The following CFAP61 variants were observed in gnomAD, a reference collection of about 807,000 sequenced individuals.
The protein encoded by CFAP61 is cilia- and flagella-associated protein 61.
CFAP61 carries 107 observed loss-of-function variants against 135.6 expected under a neutral mutation model. That is an observed-to-expected ratio of 0.79 (90% CI 0.67 to 0.93). The LOEUF (loss-of-function observed/expected upper bound fraction) is 0.93, where lower values mean the gene tolerates loss of function less well. CFAP61 is among the 40% of genes least tolerant of loss of function. The pLI, the probability that CFAP61 is intolerant of heterozygous loss-of-function variation, is 0.00. For synonymous variants in CFAP61, 575 were observed against 578.5 expected (o/e 0.99, Z 0.09); for missense variants, 1,507 against 1,556.2 (o/e 0.97, Z 0.53).
chr20:20,143,009 C>A, intron 9 of CFAP61, 61 bp downstream of exon 9: 2 of 949,622 alleles, frequency 2.1e-6, no homozygotes, highest in South Asian at 1.5e-5. Context: ...CTACCTGTGA[C>A]ATCAGGGGCA....
At chr20:20,282,487 A>G (rs1350982085) in intron 22 of CFAP61, among the ~76,000 whole-genome samples, 1 of 152,164 alleles carries the variant, frequency 6.6e-6, no homozygotes, top group African/African-American at 2.4e-5. Context: ...TTTAATTATC[A>G]CTTAATTCAA....
chr20:20,135,262 C>CAGA (rs1442536745), intron 8 of CFAP61, among the ~76,000 whole-genome samples: 3 of 152,110 alleles, frequency 2.0e-5, no homozygotes, highest in Non-Finnish European at 4.4e-5. Flanking sequence ...TTGATTTCAG[C>CAGA]CCAGGGATAC....
chr20:20,335,088 A>T (rs2058132132), intron 25 of CFAP61, among the ~76,000 whole-genome samples: 1 of 152,232 alleles, frequency 6.6e-6, no homozygotes, highest in Non-Finnish European at 1.5e-5. Flanking sequence ...CAGTTAAGCC[A>T]GGTCGGGCCA....
intron 17 of CFAP61, among the ~76,000 whole-genome samples, chr20:20,223,913 G>A (rs921199160): frequency 6.6e-6 from 1 of 152,052 alleles, no homozygotes; most frequent in East Asian, 1.9e-4. Flanking sequence ...TATTCATTTG[G>A]CCATTTAAGC....
At chr20:20,064,718 C>T (rs6046589) in intron 2 of CFAP61, among the ~76,000 whole-genome samples, 9,604 of 152,208 alleles carry the variant, frequency 0.063, 360 homozygotes, top group East Asian at 0.12. Flanking sequence ...CATGAAACCA[C>T]GGAGAAGTGG....
chr20:20,277,590 G>T, intron 22 of CFAP61, 132 bp downstream of exon 22: 1 of 953,790 alleles, frequency 1.0e-6, no homozygotes, highest in Non-Finnish European at 1.5e-6. Context: ...TGTGTGTTCA[G>T]ATTACCTCTT....
At chr20:20,316,100 A>G (rs1032816326) in intron 25 of CFAP61, among the ~76,000 whole-genome samples, 7 of 151,482 alleles carry the variant, frequency 4.6e-5, no homozygotes, top group African/African-American at 1.7e-4. Context: ...CTTGATGGGG[A>G]TGGCATTGAA....
chr20:20,114,324 T>G (rs2048993799), intron 8 of CFAP61, among the ~76,000 whole-genome samples: 1 of 152,168 alleles, frequency 6.6e-6, no homozygotes, highest in African/African-American at 2.4e-5. Flanking sequence ...ATGGGATTGC[T>G]TCAAATTTAT....
intron 18 of CFAP61, among the ~76,000 whole-genome samples, chr20:20,238,290 A>G (rs1000619439): frequency 1.3e-5 from 2 of 152,214 alleles, no homozygotes; most frequent in African/African-American, 4.8e-5. Context: ...TGTTGTTAAG[A>G]CTGAATTAAA....
chr20:20,312,579 T>C, intron 25 of CFAP61, among the ~76,000 whole-genome samples: 1 of 151,888 alleles, frequency 6.6e-6, no homozygotes, highest in Admixed American at 6.6e-5. Context: ...TGATGAAAAC[T>C]CACAAATCTG....
chr20:20,089,588 A>C (rs759884948), intron 6 of CFAP61, among the ~76,000 whole-genome samples: 1 of 17,620 alleles, frequency 5.7e-5, no homozygotes, highest in Non-Finnish European at 2.0e-4. Flanking sequence ...AGTATCAGAG[A>C]AAAAAAAAAA....
chr20:20,075,523 GAAC>G lies in CFAP61; in HGVS notation c.476_478del (p.Asn159del), dbSNP rs1451299179. 3 of 1,614,064 alleles carry G rather than the reference GAAC, an allele frequency of 1.9e-6. No homozygotes were observed. In the Admixed American group the frequency reaches 5.0e-5, roughly 27 times the overall value. On this transcript the variant is annotated inframe_deletion, in exon 6 of 27. Coordinates refer to ENST00000245957, the MANE Select transcript of CFAP61 (RefSeq NM_015585.4). Reference sequence around the variant, plus strand: ...TCATAACTGTTTTTGACCAAGTGGGGAACATCCCGTGTCTGACGTATGAGGAAG... The same window carrying G: ...TCATAACTGTTTTTGACCAAGTGGGGATCCCGTGTCTGACGTATGAGGAAG...
chr20:20,250,805 AC>A (rs1336022958), intron 19 of CFAP61, among the ~76,000 whole-genome samples: 1 of 152,156 alleles, frequency 6.6e-6, no homozygotes. Flanking sequence ...GTTTAAATAA[AC>A]CCAAAGCCAC....
chr20:20,261,411 A>C (rs2052192601), intron 20 of CFAP61, among the ~76,000 whole-genome samples: 1 of 152,184 alleles, frequency 6.6e-6, no homozygotes, highest in African/African-American at 2.4e-5. Context: ...TCATAACTCT[A>C]GGAGTATTCT....
intron 26 of CFAP61, among the ~76,000 whole-genome samples, chr20:20,344,347 C>T (rs945599829): frequency 1.3e-5 from 2 of 152,120 alleles, no homozygotes; most frequent in African/African-American, 2.4e-5. Context: ...GCTGTGGAAA[C>T]GACAGCCACA....
At chr20:20,169,988 T>C (rs760713201) in intron 13 of CFAP61, among the ~76,000 whole-genome samples, 1 of 152,248 alleles carries the variant, frequency 6.6e-6, no homozygotes, top group Non-Finnish European at 1.5e-5. Flanking sequence ...TGCTAAGTTC[T>C]GTGCCAAGTT....
intron 26 of CFAP61, among the ~76,000 whole-genome samples, chr20:20,345,511 C>T (rs897529186): frequency 8.5e-5 from 13 of 152,156 alleles, no homozygotes; most frequent in African/African-American, 3.1e-4. Context: ...ACTATCATAT[C>T]CTAGAGCTTG....
intron 7 of CFAP61, among the ~76,000 whole-genome samples, chr20:20,092,224 T>C (rs978338259): frequency 6.6e-6 from 1 of 152,258 alleles, no homozygotes; most frequent in African/African-American, 2.4e-5. Flanking sequence ...TGTACAATGT[T>C]TTCTCATGAT....
chr20:20,143,614 G>A (rs1343710182), intron 9 of CFAP61, among the ~76,000 whole-genome samples: 2 of 152,176 alleles, frequency 1.3e-5, no homozygotes, highest in African/African-American at 4.8e-5. Context: ...AAAGGCCAGC[G>A]ATGCCTGGGA....
Sources: gnomAD v4.1 joint callset for allele counts (sites outside exome capture counted in the v4.1 genomes callset) on GRCh38, gnomAD v4.1.1 for gene constraint, MANE v1.5 for transcripts, NCBI Gene and HGNC (gene_info 2026-07-23, HGNC 2026-07-21) for gene names.